ZNF280D: variants seen among roughly 807,000 people sequenced by gnomAD.
ZNF280D encodes the protein zinc finger protein 280D.
A neutral mutation model predicts 94.7 loss-of-function variants in ZNF280D; 39 were observed. The observed-to-expected ratio is 0.41, with a 90% CI of 0.32 to 0.54. The LOEUF is 0.54. Among genes scored for constraint, ZNF280D ranks in the 20% least tolerant of loss-of-function variants. ZNF280D has a pLI of 0.22. For missense variants in ZNF280D, 1,090 were observed against 1,149.3 expected (o/e 0.95, Z 0.75); for synonymous variants, 398 against 377.6 (o/e 1.05, Z -0.63).
At chr15:56,728,524 G>T (rs554702276) in intron 1 of ZNF280D, among the ~76,000 whole-genome samples, 1 of 152,110 alleles carries the variant, frequency 6.6e-6, no homozygotes, top group Non-Finnish European at 1.5e-5. Flanking sequence ...AACCATCAAA[G>T]GTTTCAAAAA....
chr15:56,684,843 G>C (rs1359131082), intron 9 of ZNF280D, among the ~76,000 whole-genome samples: 1 of 152,108 alleles, frequency 6.6e-6, no homozygotes, highest in African/African-American at 2.4e-5. Flanking sequence ...AATAAACTGT[G>C]CTAAATCCAA....
rs570837360 is a variant in ZNF280D at position 56,640,006 on chromosome 15, A to G, written c.2259+2946T>C. ...TGAACACTGGAAAAACTATTTCCAA[A>G]TATTTGAGAGAGAAATTGCAACGTT... On this transcript the variant is annotated intron_variant, in intron 20 of 21. Transcript: ENST00000267807. Among the ~76,000 whole-genome samples, 13 of 152,210 alleles carry G rather than the reference A, an allele frequency of 8.5e-5. No individual in the cohort carries two copies. The East Asian group carries it at 2.5e-3, about 29-fold the overall frequency.
chr15:56,705,274 G>A (rs1466894392), intron 3 of ZNF280D, among the ~76,000 whole-genome samples: 1 of 152,018 alleles, frequency 6.6e-6, no homozygotes, highest in African/African-American at 2.4e-5. Context: ...AATTTTCATT[G>A]ACAAGTCATA....
chr15:56,700,083 C>T (rs750140450), intron 6 of ZNF280D: 40 of 480,756 alleles, frequency 8.3e-5, no homozygotes, highest in Non-Finnish European at 1.0e-4. Flanking sequence ...TGTTGACCCT[C>T]AAACCTCTGA....
chr15:56,716,339 A>G (rs1269221624), intron 1 of ZNF280D, among the ~76,000 whole-genome samples: 1 of 152,162 alleles, frequency 6.6e-6, no homozygotes, highest in Non-Finnish European at 1.5e-5. Flanking sequence ...CTTTGCTAAA[A>G]AAAGAAAAGT....
chr15:56,647,255 G>A (rs902706546), intron 19 of ZNF280D, among the ~76,000 whole-genome samples: 1 of 152,164 alleles, frequency 6.6e-6, no homozygotes, highest in African/African-American at 2.4e-5. Context: ...TTAGGGAGAT[G>A]AGAACAAGTT....
At chr15:56,693,435 TC>T (rs2056541200) in intron 6 of ZNF280D, among the ~76,000 whole-genome samples, 1 of 151,980 alleles carries the variant, frequency 6.6e-6, no homozygotes, top group Non-Finnish European at 1.5e-5. Context: ...GCCAAAATTA[TC>T]ATCTACTGAA....
intron 10 of ZNF280D, among the ~76,000 whole-genome samples, chr15:56,680,334 G>A (rs2055534178): frequency 6.6e-6 from 1 of 151,914 alleles, no homozygotes; most frequent in Non-Finnish European, 1.5e-5. Flanking sequence ...TACCATTAAG[G>A]TTACATTTAA....
chr15:56,724,462 A>G lies in ZNF280D; in HGVS notation c.-86+8996T>C, dbSNP rs542962185. On this transcript the variant is annotated intron_variant, in intron 1 of 21. Transcript: ENST00000267807. Reference sequence around the variant, plus strand: ...ACAGTTGTTGTCACTGCCTGCCTGTAAGGCTCACCTGCATTGTATAGCCCA... The same window carrying G: ...ACAGTTGTTGTCACTGCCTGCCTGTGAGGCTCACCTGCATTGTATAGCCCA... Among the ~76,000 whole-genome samples the G allele has an allele frequency of 5.9e-5, 9 of 152,346 alleles. No homozygotes were observed. In the South Asian group the frequency reaches 1.9e-3, roughly 32 times the overall value.
At position 56,678,775 on chromosome 15, in the gene ZNF280D, T is replaced by A. The variant is rs372444576; in HGVS notation, c.1051A>T (p.Ser351Cys). 6.2e-7 allele frequency: 1 copy of A among 1,612,392 alleles called. No homozygotes were observed. Among genetic ancestry groups the A allele is most frequent in the East Asian group, 2.2e-5 (1 of 44,806 alleles). Reference sequence around the variant, plus strand: ...GTGGTATGGTTTTCCCAGCTCTCACTGCTCTGCTTCTCAAGTTCCAAATGG... The same window carrying A: ...GTGGTATGGTTTTCCCAGCTCTCACAGCTCTGCTTCTCAAGTTCCAAATGG... ...KHHLELEKQS[S>C]ESWENHTTCQ... The change falls in exon 11 of 22, where the codon AGT becomes TGT. Residue 351 changes from serine (S) to cysteine (C), a missense_variant. Physicochemically the swap from Ser to Cys is moderately radical, Grantham distance 112 (BLOSUM62 -1). Transcript: ENST00000267807.
In ZNF280D at chr15:56,631,570, G is replaced by A. The variant is rs779919336; in HGVS notation, c.2868C>T (p.Asp956=). The A allele has an allele frequency of 2.3e-5, 37 of 1,614,022 alleles. No homozygotes were observed. Among genetic ancestry groups the A allele is most frequent in the Non-Finnish European group, 3.1e-5 (37 of 1,179,970 alleles). ...TGCTAGGGTTATTTCCTCCAGGAATGTCATCTGTTTGATCAGACACTACTT... is the reference window on the plus strand; with the variant it reads ...TGCTAGGGTTATTTCCTCCAGGAATATCATCTGTTTGATCAGACACTACTT... ...TDEVVSDQTD[D]IPGGNNPSTT... Residue 956 remains aspartate, a synonymous_variant, in exon 22 of 22, where the codon GAC becomes GAT. Coordinates refer to ENST00000267807, the MANE Select transcript of ZNF280D (RefSeq NM_017661.4).
chr15:56,684,284 G>A (rs570847143), intron 9 of ZNF280D, among the ~76,000 whole-genome samples: 2 of 152,180 alleles, frequency 1.3e-5, no homozygotes, highest in South Asian at 4.1e-4. Context: ...AAACACTATA[G>A]GCACTCACAT....
At chr15:56,725,617 G>A (rs1324301111) in intron 1 of ZNF280D, among the ~76,000 whole-genome samples, 1 of 151,890 alleles carries the variant, frequency 6.6e-6, no homozygotes, top group African/African-American at 2.4e-5. Flanking sequence ...GTGGTAAAGG[G>A]AGGACCTAGT....
At position 56,678,673 on chromosome 15, in the gene ZNF280D, C is replaced by T. The variant is rs746099128; in HGVS notation, c.1153G>A (p.Glu385Lys). Residue 385 changes from glutamate to lysine, a missense_variant, in exon 11 of 22, where the codon GAA becomes AAA. Glu to Lys is a moderately conservative substitution (Grantham distance 56). Around this residue, in one of 3 missense-constraint regions of ZNF280D, gnomAD observed 127 missense variants for 208.6 expected, o/e 0.61. Coordinates refer to ENST00000267807, the MANE Select transcript of ZNF280D (RefSeq NM_017661.4). ...TGTATTGGTAACTTACTAGAAAATT[C>T]ATGGGGCGTATGTGTACTTTCGATG... ...CHIESTHTPH[E>K]FSTICKICEL... 6 of 1,592,872 alleles carry T rather than the reference C, an allele frequency of 3.8e-6. No individual in the cohort carries two copies. The highest frequency in any genetic ancestry group is 4.3e-6 in the Non-Finnish European group (5 of 1,170,944).
At chr15:56,636,284 G>A (rs1269407397) in intron 20 of ZNF280D, among the ~76,000 whole-genome samples, 1 of 152,080 alleles carries the variant, frequency 6.6e-6, no homozygotes, top group African/African-American at 2.4e-5. Context: ...CTGCAGTGGA[G>A]GAGTGCAAGG....
chr15:56,660,871 C>T (rs776465547), intron 16 of ZNF280D, among the ~76,000 whole-genome samples: 89 of 151,510 alleles, frequency 5.9e-4, no homozygotes, highest in Non-Finnish European at 1.1e-3. Flanking sequence ...TTCTAAGAAA[C>T]ATAAAAGGAA....
intron 1 of ZNF280D, chr15:56,729,847 T>A (rs2058800787): frequency 6.6e-6 from 1 of 152,224 alleles, no homozygotes; most frequent in Non-Finnish European, 1.5e-5. Flanking sequence ...GAAAAAAATG[T>A]GTGTTACAAT....
At chr15:56,721,810 C>T (rs1163840297) in intron 1 of ZNF280D, among the ~76,000 whole-genome samples, 1 of 152,032 alleles carries the variant, frequency 6.6e-6, no homozygotes, top group Non-Finnish European at 1.5e-5. Context: ...GTTCCACTTT[C>T]TTATCATTCA....
chr15:56,666,124 C>T (rs995033900), intron 16 of ZNF280D, among the ~76,000 whole-genome samples: 2 of 152,024 alleles, frequency 1.3e-5, no homozygotes, highest in Non-Finnish European at 2.9e-5. Context: ...GAGCGAGACT[C>T]CATCTCAAAA....
Sources: allele counts gnomAD v4.1 joint callset (sites outside exome capture counted in the v4.1 genomes callset), GRCh38; gene constraint gnomAD v4.1.1; regional missense constraint gnomAD v4.1.1; transcripts MANE v1.5; gene names NCBI Gene and HGNC (gene_info 2026-07-23, HGNC 2026-07-21).